NAALADL2: variants seen among roughly 807,000 people sequenced by gnomAD.
NAALADL2 encodes N-acetylated alpha-linked acidic dipeptidase like 2.
Under a neutral mutation model 87.2 loss-of-function variants are expected in NAALADL2, and 76 were observed. The ratio of observed to expected loss-of-function variants is 0.87; its 90% CI spans 0.72 to 1.05. The LOEUF is 1.05. Ranked by LOEUF, NAALADL2 falls within the 50% of genes least tolerant of loss-of-function variation. The probability of loss-of-function intolerance (pLI) is 0.00; values close to 1 mark genes in which losing one functional copy is unlikely to be tolerated. For missense variants in NAALADL2, 1,089 were observed against 945.8 expected, an observed-to-expected ratio of 1.15 and a Z score of -1.99; for synonymous variants, 354 against 331.0, an observed-to-expected ratio of 1.07 and a Z score of -0.75.
intron 3 of NAALADL2, among the ~76,000 whole-genome samples, chr3:174,849,870 T>C (rs1460465758): frequency 6.6e-6 from 1 of 152,172 alleles, no homozygotes; most frequent in Non-Finnish European, 1.5e-5. Flanking sequence ...TAAAAATTGT[T>C]GTACCTATTA....
intron 2 of NAALADL2, among the ~76,000 whole-genome samples, chr3:174,640,236 T>C (rs1369711572): frequency 6.6e-6 from 1 of 152,304 alleles, no homozygotes; most frequent in Non-Finnish European, 1.5e-5. Flanking sequence ...CTGCTTCTCA[T>C]GTAGGCAAAT....
intron 2 of NAALADL2, among the ~76,000 whole-genome samples, chr3:175,127,238 C>A (rs941395391): frequency 2.6e-5 from 4 of 152,090 alleles, no homozygotes; most frequent in Non-Finnish European, 4.4e-5. Flanking sequence ...TCTCCCGCTA[C>A]CCCCCAAAGT....
chr3:175,324,367 T>C, intron 5 of NAALADL2, 42 bp downstream of exon 5: 1 of 1,503,510 alleles, frequency 6.7e-7, no homozygotes, highest in Non-Finnish European at 9.0e-7. Context: ...TAAGTAAGCA[T>C]TACAAGGTTG....
intron 2 of NAALADL2, among the ~76,000 whole-genome samples, chr3:174,673,056 G>A (rs1726721194): frequency 6.6e-6 from 1 of 151,982 alleles, no homozygotes; most frequent in Admixed American, 6.6e-5. Context: ...CATCTAAGTT[G>A]ACGTGATGTG....
At chr3:174,623,652 T>TA (rs35964595) in intron 2 of NAALADL2, among the ~76,000 whole-genome samples, 58,013 of 151,264 alleles carry the variant, frequency 0.38, 11,837 homozygotes, top group Middle Eastern at 0.51. Context: ...ATGTATTTAT[T>TA]AAAAAAAAGT....
At chr3:174,908,632 C>T (rs554565720) in intron 1 of NAALADL2, among the ~76,000 whole-genome samples, 1 of 152,074 alleles carries the variant, frequency 6.6e-6, no homozygotes, top group South Asian at 2.1e-4. Context: ...GAAATATAAC[C>T]TCTTGCTTTC....
At chr3:175,549,564 A>T (rs1713996314) in intron 9 of NAALADL2, among the ~76,000 whole-genome samples, 1 of 151,844 alleles carries the variant, frequency 6.6e-6, no homozygotes, top group African/African-American at 2.4e-5. Flanking sequence ...CTTTTTGGAG[A>T]CAATCAGAGA....
chr3:175,416,785 T>C (rs1714709350), intron 5 of NAALADL2, among the ~76,000 whole-genome samples: 1 of 151,974 alleles, frequency 6.6e-6, no homozygotes, highest in Admixed American at 6.6e-5. Context: ...TTTGCAGAAG[T>C]GAGAAAGTAT....
At chr3:174,968,026 C>T (rs1049510049) in intron 1 of NAALADL2, among the ~76,000 whole-genome samples, 1 of 152,216 alleles carries the variant, frequency 6.6e-6, no homozygotes, top group African/African-American at 2.4e-5. Context: ...TCTCCCTTCA[C>T]CACATAAACC....
chr3:175,657,736 A>T (rs1234332345), intron 11 of NAALADL2, among the ~76,000 whole-genome samples: 1 of 148,032 alleles, frequency 6.8e-6, no homozygotes, highest in African/African-American at 2.6e-5. Flanking sequence ...GCCCGCCAAC[A>T]CGCCCGGCTA....
chr3:175,379,449 C>A (rs893062289), intron 5 of NAALADL2, among the ~76,000 whole-genome samples: 5 of 151,954 alleles, frequency 3.3e-5, no homozygotes, highest in African/African-American at 1.2e-4. Context: ...CTTACAAATG[C>A]AGGACTTCAC....
chr3:175,029,899 A>AT (rs1752634756), intron 1 of NAALADL2, among the ~76,000 whole-genome samples: 1 of 152,040 alleles, frequency 6.6e-6, no homozygotes, highest in African/African-American at 2.4e-5. Context: ...TTAAATACTT[A>AT]TTTTTTATAA....
At chr3:174,925,346 G>A (rs979769821) in intron 1 of NAALADL2, among the ~76,000 whole-genome samples, 4 of 152,090 alleles carry the variant, frequency 2.6e-5, no homozygotes, top group African/African-American at 9.7e-5. Context: ...CCCATTTCTT[G>A]TTTTTGTCAG....
At chr3:174,713,948 T>C (rs937049828) in intron 2 of NAALADL2, among the ~76,000 whole-genome samples, 1 of 152,182 alleles carries the variant, frequency 6.6e-6, no homozygotes, top group African/African-American at 2.4e-5. Context: ...AACATTTAAG[T>C]CTTTAATCCA....
chr3:174,750,856 C>T (rs778668123), intron 3 of NAALADL2, among the ~76,000 whole-genome samples: 5 of 152,194 alleles, frequency 3.3e-5, no homozygotes, highest in Non-Finnish European at 7.3e-5. Context: ...TTTCATATAT[C>T]TCATACAGCT....
chr3:175,640,576 G>A (rs1338051670), intron 11 of NAALADL2, among the ~76,000 whole-genome samples: 3 of 151,980 alleles, frequency 2.0e-5, no homozygotes, highest in African/African-American at 7.2e-5. Context: ...CTGATTCCCA[G>A]GAAGCATCAT....
intron 1 of NAALADL2, among the ~76,000 whole-genome samples, chr3:174,912,385 C>T (rs1426281089): frequency 6.6e-6 from 1 of 151,286 alleles, no homozygotes; most frequent in Non-Finnish European, 1.5e-5. Context: ...AACTGTTTTT[C>T]TCCCCCTCCT....
intron 2 of NAALADL2, among the ~76,000 whole-genome samples, chr3:174,712,180 T>C (rs781755554): frequency 2.0e-5 from 3 of 152,138 alleles, no homozygotes; most frequent in Non-Finnish European, 4.4e-5. Context: ...GGATGAGTTA[T>C]TGATTCTCAA....
At chr3:174,782,809 C>T (rs1219902456) in intron 3 of NAALADL2, among the ~76,000 whole-genome samples, 1 of 152,060 alleles carries the variant, frequency 6.6e-6, no homozygotes, top group South Asian at 2.1e-4. Context: ...AAGTCACTCA[C>T]TATCACAAGA....
Sources: gnomAD v4.1 joint callset for allele counts (sites outside exome capture counted in the v4.1 genomes callset) on GRCh38, gnomAD v4.1.1 for gene constraint, MANE v1.5 for transcripts, NCBI Gene and HGNC (gene_info 2026-07-23, HGNC 2026-07-21) for gene names.